Variants in EIF4G3 observed in about 807,000 individuals in gnomAD.
EIF4G3 encodes eIF-4-gamma 3.
Under a neutral mutation model 186.4 loss-of-function variants are expected in EIF4G3, and 34 were observed. The observed-to-expected ratio is 0.18, with a 90% confidence interval of 0.14 to 0.24. EIF4G3 has a LOEUF of 0.24. Ranked by LOEUF, EIF4G3 falls within the 10% of genes least tolerant of loss-of-function variation. The pLI is 1.00. For synonymous variants in EIF4G3, 673 were observed against 679.5 expected (o/e 0.99, Z 0.15); for missense variants, 1,536 against 1,948.5 (o/e 0.79, Z 3.99).
At chr1:20,807,985 G>GC (rs1351666384) in intron 36 of EIF4G3, among the ~76,000 whole-genome samples, 18 of 151,012 alleles carry the variant, frequency 1.2e-4, no homozygotes, top group African/African-American at 4.2e-4. Context: ...CTGGGTTGAA[G>GC]CAATTTTCCT....
intron 4 of EIF4G3, among the ~76,000 whole-genome samples, chr1:21,042,568 A>G (rs1261039793): frequency 6.6e-6 from 1 of 152,140 alleles, no homozygotes; most frequent in African/African-American, 2.4e-5. Flanking sequence ...TCCCTTATAA[A>G]AACAGTCCTG....
chr1:20,932,419 C>A (rs919635202), intron 14 of EIF4G3, among the ~76,000 whole-genome samples: 1 of 152,130 alleles, frequency 6.6e-6, no homozygotes, highest in African/African-American at 2.4e-5. Context: ...CACAACTTTA[C>A]TGTCTCAAGG....
intron 3 of EIF4G3, among the ~76,000 whole-genome samples, chr1:21,069,536 T>A (rs1388562040): frequency 6.6e-6 from 1 of 152,180 alleles, no homozygotes; most frequent in African/African-American, 2.4e-5. Flanking sequence ...TTTTCTAAAT[T>A]AAGTTTATCT....
At chr1:20,814,533 C>G (rs1361243001) in intron 34 of EIF4G3, among the ~76,000 whole-genome samples, 3 of 151,970 alleles carry the variant, frequency 2.0e-5, no homozygotes, top group Non-Finnish European at 2.9e-5. Context: ...AAGAACAACA[C>G]CACAACTGCA....
At chr1:20,916,213 G>T (rs1326045299) in intron 14 of EIF4G3, among the ~76,000 whole-genome samples, 1 of 152,050 alleles carries the variant, frequency 6.6e-6, no homozygotes, top group African/African-American at 2.4e-5. Context: ...CTGGGAGGCC[G>T]AGGCAGGCGG....
chr1:20,935,273 T>A (rs776924970), intron 14 of EIF4G3, among the ~76,000 whole-genome samples: 39 of 152,166 alleles, frequency 2.6e-4, no homozygotes, highest in Non-Finnish European at 2.4e-4. Flanking sequence ...AAAACAGAAA[T>A]AACTATATCC....
intron 2 of EIF4G3, among the ~76,000 whole-genome samples, chr1:21,155,730 T>C (rs2097648478): frequency 6.6e-6 from 1 of 152,200 alleles, no homozygotes; most frequent in African/African-American, 2.4e-5. Context: ...GAGAAGTTTT[T>C]TTATTTCTAA....
At chr1:20,955,694 T>C (rs979881468) in intron 12 of EIF4G3, among the ~76,000 whole-genome samples, 1 of 152,050 alleles carries the variant, frequency 6.6e-6, no homozygotes, top group Non-Finnish European at 1.5e-5. Context: ...ACTTAAAGGT[T>C]GGGGGTAAAC....
intron 2 of EIF4G3, among the ~76,000 whole-genome samples, chr1:21,103,452 T>C (rs2096561907): frequency 6.6e-6 from 1 of 152,282 alleles, no homozygotes; most frequent in East Asian, 1.9e-4. Flanking sequence ...TAGAGAATAT[T>C]GAGTGTGATT....
chr1:21,035,307 G>A (rs2093093042), intron 4 of EIF4G3, among the ~76,000 whole-genome samples: 1 of 152,222 alleles, frequency 6.6e-6, no homozygotes, highest in Non-Finnish European at 1.5e-5. Flanking sequence ...CTAAGGCTGT[G>A]TACTCTGCAG....
chr1:21,086,197 CTCTT>C (rs1454044333), intron 3 of EIF4G3, among the ~76,000 whole-genome samples: 4 of 78,554 alleles, frequency 5.1e-5, no homozygotes, highest in Non-Finnish European at 7.7e-5. Flanking sequence ...CTACATGATA[CTCTT>C]TTTTTTTTTT....
intron 3 of EIF4G3, among the ~76,000 whole-genome samples, chr1:21,076,350 T>C (rs2100596463): frequency 6.6e-6 from 1 of 151,896 alleles, no homozygotes; most frequent in East Asian, 1.9e-4. Flanking sequence ...GCAAAAGCAG[T>C]AGTAAAACGA....
rs192736738 is a variant in EIF4G3, at chr1:21,133,382, G to A, written c.-272+42793C>T. ...TGGGACTACAGGCGTGTGCCACCAC[G>A]CCCGGCTAATTTTTGTATTTTTTTA... is the stretch of plus-strand genomic sequence containing the variant. On this transcript the variant is annotated intron_variant, in intron 2 of 36. Coordinates refer to ENST00000602326, the MANE Select transcript of EIF4G3 (RefSeq NM_001391906.1). 5.3e-5 allele frequency among the ~76,000 whole-genome samples: 8 copies of A among 152,088 alleles called. No homozygotes were observed. In the East Asian group the frequency reaches 7.8e-4, roughly 15 times the overall value.
chr1:21,070,336 A>G (rs993393703), intron 3 of EIF4G3, among the ~76,000 whole-genome samples: 1 of 152,160 alleles, frequency 6.6e-6, no homozygotes. Flanking sequence ...TACCCTTCAA[A>G]TCCCACTCCA....
At chr1:21,115,009 C>A (rs1453613448) in intron 2 of EIF4G3, among the ~76,000 whole-genome samples, 2 of 152,096 alleles carry the variant, frequency 1.3e-5, no homozygotes, top group African/African-American at 4.8e-5. Flanking sequence ...CGGAAAAAAA[C>A]CTTTTTTTAA....
chr1:20,899,643 T>C, intron 16 of EIF4G3, 54 bp downstream of exon 16: 1 of 1,585,434 alleles, frequency 6.3e-7, no homozygotes, highest in Non-Finnish European at 8.6e-7. Context: ...AACATTTCTC[T>C]AAGGTTGCAG....
intron 25 of EIF4G3, among the ~76,000 whole-genome samples, chr1:20,856,308 G>A (rs2074882158): frequency 6.6e-6 from 1 of 152,148 alleles, no homozygotes; most frequent in Non-Finnish European, 1.5e-5. Context: ...AATACTTCTT[G>A]TCAGTTATCT....
intron 3 of EIF4G3, among the ~76,000 whole-genome samples, chr1:21,084,599 C>T (rs1028642764): frequency 6.6e-6 from 1 of 152,248 alleles, no homozygotes; most frequent in African/African-American, 2.4e-5. Flanking sequence ...AATCCAACCT[C>T]CCTCCATTCC....
At chr1:21,123,255 G>A (rs1462399411) in intron 2 of EIF4G3, among the ~76,000 whole-genome samples, 2 of 151,920 alleles carry the variant, frequency 1.3e-5, no homozygotes, top group East Asian at 1.9e-4. Context: ...AGAAAGATGC[G>A]ATGCCTTCAA....
Sources: allele counts gnomAD v4.1 joint callset (sites outside exome capture counted in the v4.1 genomes callset), GRCh38; gene constraint gnomAD v4.1.1; transcripts MANE v1.5; gene names NCBI Gene and HGNC (gene_info 2026-07-23, HGNC 2026-07-21).